OR51C1: variants seen among roughly 807,000 people sequenced by gnomAD.
The protein encoded by OR51C1 is olfactory receptor OR51C1.
chr11:4,691,313 A>G, the OR51C1 span: 1 of 457,506 alleles, frequency 2.2e-6, no homozygotes, highest in Non-Finnish European at 4.4e-6. Flanking sequence ...ACCTAAGGGG[A>G]TTAGAGACGG....
chr11:4,691,280 G>T, the OR51C1 span: 1 of 457,150 alleles, frequency 2.2e-6, no homozygotes, highest in South Asian at 1.5e-5. Context: ...GAGCTATTCT[G>T]GAGTCAGTTA....
At chr11:4,695,171 G>C in the OR51C1 span, among the ~76,000 whole-genome samples, 3 of 152,142 alleles carry the variant, frequency 2.0e-5, no homozygotes, top group African/African-American at 7.2e-5. Context: ...AGAGCATCAA[G>C]AGCCAGACAT....
At chr11:4,690,809 G>A in the OR51C1 span, 2 of 437,070 alleles carry the variant, frequency 4.6e-6, no homozygotes, top group East Asian at 7.0e-5. Context: ...GTATCTGTTT[G>A]GTTTTCACAC....
chr11:4,692,067 T>G, the OR51C1 span: 4 of 386,268 alleles, frequency 1.0e-5, no homozygotes, highest in Non-Finnish European at 2.0e-5. Flanking sequence ...ATGGCATGTT[T>G]AAATTGTGCT....
the OR51C1 span, chr11:4,691,074 C>T: frequency 6.6e-6 from 3 of 456,624 alleles, no homozygotes; most frequent in South Asian, 1.5e-5. Context: ...TAAGTCTACA[C>T]CAACAGTAGA....
chr11:4,692,058 TG>T, the OR51C1 span: 1 of 375,312 alleles, frequency 2.7e-6, no homozygotes, highest in Non-Finnish European at 5.3e-6. Flanking sequence ...TCATTCTTTA[TG>T]GCATGTTTAA....
At chr11:4,692,156 A>G in the OR51C1 span, 2 of 452,842 alleles carry the variant, frequency 4.4e-6, no homozygotes, top group Non-Finnish European at 4.4e-6. Context: ...GCAATATTAC[A>G]TTGGTCATAA....
chr11:4,693,935 A>G, the OR51C1 span, among the ~76,000 whole-genome samples: 1 of 152,168 alleles, frequency 6.6e-6, no homozygotes, highest in African/African-American at 2.4e-5. Context: ...AATAATTTCA[A>G]TATCTCATAT....
chr11:4,693,264 T>C, the OR51C1 span, among the ~76,000 whole-genome samples: 3 of 152,330 alleles, frequency 2.0e-5, no homozygotes, highest in African/African-American at 7.2e-5. Context: ...TAAAATGATT[T>C]TGAAAAACCA....
At chr11:4,694,868 A>G in the OR51C1 span, among the ~76,000 whole-genome samples, 70 of 152,238 alleles carry the variant, frequency 4.6e-4, no homozygotes, top group East Asian at 0.011. Context: ...AGTTCCAAGA[A>G]TGTTAACAGA....
chr11:4,694,312 C>G, the OR51C1 span, among the ~76,000 whole-genome samples: 1 of 151,688 alleles, frequency 6.6e-6, no homozygotes, highest in Non-Finnish European at 1.5e-5. Context: ...AAAATGACTT[C>G]TCTCCTTTCC....
chr11:4,693,575 G>T, the OR51C1 span, among the ~76,000 whole-genome samples: 1 of 152,112 alleles, frequency 6.6e-6, no homozygotes, highest in African/African-American at 2.4e-5. Context: ...CAAAAAATTA[G>T]CCGGGCGTGG....
chr11:4,693,338 G>C, the OR51C1 span, among the ~76,000 whole-genome samples: 1 of 152,196 alleles, frequency 6.6e-6, no homozygotes, highest in African/African-American at 2.4e-5. Context: ...TTTGGAGAAG[G>C]CTTTCTAGAA....
At chr11:4,697,607 T>C in the OR51C1 span, 2 of 152,670 alleles carry the variant, frequency 1.3e-5, no homozygotes, top group African/African-American at 2.4e-5. Context: ...AAAGTCCAAT[T>C]CATCTAGAGT....
the OR51C1 span, among the ~76,000 whole-genome samples, chr11:4,694,265 A>G: frequency 5.3e-5 from 8 of 151,970 alleles, no homozygotes; most frequent in Non-Finnish European, 1.0e-4. Context: ...CATAGTGTAT[A>G]TATTTTGACC....
the OR51C1 span, among the ~76,000 whole-genome samples, chr11:4,696,562 A>C: frequency 6.6e-6 from 1 of 152,132 alleles, no homozygotes; most frequent in Non-Finnish European, 1.5e-5. Context: ...AAAAATCTTA[A>C]GTGTTTATAT....
At chr11:4,696,369 G>C in the OR51C1 span, among the ~76,000 whole-genome samples, 1 of 151,940 alleles carries the variant, frequency 6.6e-6, no homozygotes, top group Non-Finnish European at 1.5e-5. Context: ...ACACACACAT[G>C]TGTGCACACA....
chr11:4,697,206 C>T, the OR51C1 span, among the ~76,000 whole-genome samples: 1 of 152,158 alleles, frequency 6.6e-6, no homozygotes, highest in Non-Finnish European at 1.5e-5. Flanking sequence ...TTCCAAAGCT[C>T]GTGCTCTCAA....
chr11:4,693,660 C>G, the OR51C1 span, among the ~76,000 whole-genome samples: 7 of 152,072 alleles, frequency 4.6e-5, no homozygotes, highest in South Asian at 4.2e-4. Context: ...GGCGGAGCTT[C>G]CAGGTGAACC....
Sources: allele counts gnomAD v4.1 joint callset (sites outside exome capture counted in the v4.1 genomes callset), GRCh38; gene constraint gnomAD v4.1.1; transcripts MANE v1.5; gene names NCBI Gene and HGNC (gene_info 2026-07-23, HGNC 2026-07-21).